Variants in LNPEP observed in about 807,000 individuals in gnomAD.
The protein encoded by LNPEP is leucyl-cystinyl aminopeptidase.
A neutral mutation model predicts 120.6 loss-of-function variants in LNPEP; 64 were observed. That is an observed-to-expected ratio of 0.53 (90% confidence interval 0.43 to 0.65). LNPEP has a LOEUF of 0.65. Ranked by LOEUF, LNPEP falls within the 30% of genes least tolerant of loss-of-function variation. The probability of loss-of-function intolerance (pLI) is 0.00; values close to 1 mark genes in which losing one functional copy is unlikely to be tolerated. For synonymous variants in LNPEP, 435 were observed against 425.4 expected, an observed-to-expected ratio of 1.02 and a Z score of -0.28; for missense variants, 1,057 against 1,200.0, an observed-to-expected ratio of 0.88 and a Z score of 1.76.
At chr5:96,978,617 C>G (rs893740776) in intron 1 of LNPEP, among the ~76,000 whole-genome samples, 3 of 152,202 alleles carry the variant, frequency 2.0e-5, no homozygotes, top group Non-Finnish European at 4.4e-5. Flanking sequence ...GAGAATGAGA[C>G]TCAGGGATGA....
intron 6 of LNPEP, 131 bp downstream of exon 6, chr5:96,994,102 T>A (rs140382208): frequency 1.4e-6 from 1 of 720,776 alleles, no homozygotes; most frequent in Non-Finnish European, 2.2e-6. Context: ...AGAAAGATGC[T>A]TTTTAAACAC....
intron 4 of LNPEP, among the ~76,000 whole-genome samples, chr5:96,991,471 A>G (rs1790387283): frequency 6.6e-6 from 1 of 151,834 alleles, no homozygotes; most frequent in Non-Finnish European, 1.5e-5. Flanking sequence ...AACATCTATT[A>G]TTTTCTGATT....
intron 1 of LNPEP, among the ~76,000 whole-genome samples, chr5:96,966,818 T>G (rs1789738069): frequency 1.3e-5 from 2 of 152,124 alleles, no homozygotes; most frequent in African/African-American, 4.8e-5. Flanking sequence ...CTTTAACTTT[T>G]CAGCAAAGCA....
At chr5:97,017,057 T>C (rs1433539678) in intron 13 of LNPEP, among the ~76,000 whole-genome samples, 1 of 152,208 alleles carries the variant, frequency 6.6e-6, no homozygotes, top group Non-Finnish European at 1.5e-5. Flanking sequence ...TAGTGTACTA[T>C]CAAATAGTTC....
At chr5:96,941,731 G>A (rs1789060139) in intron 1 of LNPEP, among the ~76,000 whole-genome samples, 2 of 152,142 alleles carry the variant, frequency 1.3e-5, no homozygotes, top group Non-Finnish European at 2.9e-5. Context: ...GGATTCCCTT[G>A]TAACCTTATC....
At position 96,989,076 on chromosome 5, in the gene LNPEP, A is replaced by G. The variant is rs537270256; in HGVS notation, c.1131+2406A>G. On this transcript the variant is annotated intron_variant, in intron 4 of 17. Coordinates refer to ENST00000231368, the MANE Select transcript of LNPEP (RefSeq NM_005575.3). Reference sequence around the variant, plus strand: ...AGAGATAGAGAAGTTTTAGATGACTATGTTTTCTTTTTTGCTTTTTATTCC... The same window carrying G: ...AGAGATAGAGAAGTTTTAGATGACTGTGTTTTCTTTTTTGCTTTTTATTCC... Among the ~76,000 whole-genome samples the G allele has an allele frequency of 4.2e-4, 64 of 151,610 alleles. 2 individuals are homozygous for G. The South Asian group carries it at 0.012, about 29-fold the overall frequency.
At chr5:97,020,379 C>T (rs73139255) in intron 13 of LNPEP, among the ~76,000 whole-genome samples, 3,752 of 152,172 alleles carry the variant, frequency 0.025, 159 homozygotes, top group African/African-American at 0.086. Flanking sequence ...GATGAGATGC[C>T]ACGATGGTGG....
chr5:96,994,972 G>T (rs112859825), intron 6 of LNPEP, among the ~76,000 whole-genome samples: 3,763 of 152,262 alleles, frequency 0.025, 156 homozygotes, highest in African/African-American at 0.086. Flanking sequence ...GCTGGGCGTG[G>T]TGGTGCATGC....
intron 1 of LNPEP, among the ~76,000 whole-genome samples, chr5:96,940,208 CTG>C (rs1360546651): frequency 6.6e-6 from 1 of 152,116 alleles, no homozygotes; most frequent in African/African-American, 2.4e-5. Flanking sequence ...TTTCCAAAAA[CTG>C]TCTTGATACA....
intron 1 of LNPEP, among the ~76,000 whole-genome samples, chr5:96,951,561 G>A (rs1408680801): frequency 6.6e-6 from 1 of 152,146 alleles, no homozygotes; most frequent in Non-Finnish European, 1.5e-5. Context: ...CCTGGCGGGG[G>A]GTTAGTGCTT....
Position 97,026,510 on chromosome 5 carries a change from T to A in LNPEP, c.2724-107T>A, listed in dbSNP as rs552445856. 28 of 821,208 alleles carry A rather than the reference T, an allele frequency of 3.4e-5. No homozygotes were observed. In the Admixed American group the frequency reaches 5.9e-4, roughly 17 times the overall value. The allele number at this position is 821,208 out of a possible 1,614,324, so 50.9% of individuals were successfully genotyped here. ...GACTAATGCAACAGTTATTTCTCAA[T>A]TTGCTACACAGCTTTAATTAGGAAA... On this transcript the variant is annotated intron_variant, in intron 15 of 17. Transcript: ENST00000231368.
chr5:96,958,778 T>G (rs2112577362), intron 1 of LNPEP: 1 of 151,610 alleles, frequency 6.6e-6, no homozygotes, highest in African/African-American at 2.4e-5. Context: ...CTACCAAAGG[T>G]AAGTCATGTC....
intron 1 of LNPEP, among the ~76,000 whole-genome samples, chr5:96,977,854 T>C (rs573928668): frequency 6.6e-6 from 1 of 152,324 alleles, no homozygotes; most frequent in East Asian, 1.9e-4. Context: ...AGGGCTCTCA[T>C]CTTTTATTGA....
chr5:97,032,090 A>G lies in LNPEP; in HGVS notation c.*3557A>G, dbSNP rs1211302792. 1 of 152,132 alleles carries G rather than the reference A, an allele frequency of 6.6e-6. No individual in the cohort carries two copies. 9.4% of individuals were successfully genotyped at this position (152,132 alleles called of 1,614,324 possible). A position where few individuals can be genotyped will look rare whatever the true frequency, so the allele number is the denominator to read the frequency against. On this transcript the variant is annotated 3_prime_UTR_variant, in exon 18 of 18. Transcript: ENST00000231368. ...CATCTGAGATGAGCCACCTCCAAGGACAGCATTTCCTGGGCTGCAAAACTA... is the reference window on the plus strand; with the variant it reads ...CATCTGAGATGAGCCACCTCCAAGGGCAGCATTTCCTGGGCTGCAAAACTA...
intron 13 of LNPEP, among the ~76,000 whole-genome samples, chr5:97,020,178 C>G (rs1313184178): frequency 6.6e-6 from 1 of 152,070 alleles, no homozygotes; most frequent in African/African-American, 2.4e-5. Flanking sequence ...TAAGTCATTG[C>G]TAGGATAATG....
intron 1 of LNPEP, among the ~76,000 whole-genome samples, chr5:96,970,178 G>T (rs1789827374): frequency 6.6e-6 from 1 of 151,944 alleles, no homozygotes; most frequent in Non-Finnish European, 1.5e-5. Context: ...TTCTGTGAAT[G>T]TCAGGTCAAA....
At chr5:97,011,871 C>A (rs943323847) in intron 11 of LNPEP, among the ~76,000 whole-genome samples, 1 of 152,140 alleles carries the variant, frequency 6.6e-6, no homozygotes, top group Non-Finnish European at 1.5e-5. Flanking sequence ...TCTTAAACAT[C>A]TTTTGCAGTA....
rs1791573822 is a variant in LNPEP, at chr5:97,036,409, C to CA, written c.*7879dup. 6.6e-6 allele frequency: 1 copy of CA among 152,190 alleles called. No individual in the cohort carries two copies. Among genetic ancestry groups the CA allele is most frequent in the South Asian group, 2.1e-4 (1 of 4,834 alleles). 9.4% of individuals were successfully genotyped at this position (152,190 alleles called of 1,614,324 possible). A position where few individuals can be genotyped will look rare whatever the true frequency, so the allele number is the denominator to read the frequency against. ...TAGGTGTTTTCTTCACTGGCATTCA[C>CA]AAATTTAAGCCATTGCTGCCTCATT... On this transcript the variant is annotated 3_prime_UTR_variant, in exon 18 of 18. Coordinates refer to ENST00000231368, the MANE Select transcript of LNPEP (RefSeq NM_005575.3).
intron 4 of LNPEP, 64 bp downstream of exon 4, chr5:96,986,734 T>C: frequency 2.1e-6 from 3 of 1,433,524 alleles, no homozygotes; most frequent in Non-Finnish European, 2.9e-6. Context: ...CCTCTTGCTT[T>C]AACGATTCCT....
Sources: gnomAD v4.1 joint callset for allele counts (sites outside exome capture counted in the v4.1 genomes callset) on GRCh38, gnomAD v4.1.1 for gene constraint, MANE v1.5 for transcripts, NCBI Gene and HGNC (gene_info 2026-07-23, HGNC 2026-07-21) for gene names.